MYO16: variants seen among roughly 807,000 people sequenced by gnomAD.
MYO16 encodes myosin XVI.
MYO16 carries 94 observed loss-of-function variants against 205.3 expected under a neutral mutation model. The observed-to-expected ratio is 0.46, with a 90% CI of 0.39 to 0.54. The LOEUF is 0.54. MYO16 is among the 20% of genes least tolerant of loss of function. The pLI is 0.00. For missense variants in MYO16, 2,315 were observed against 2,387.5 expected (o/e 0.97, Z 0.63); for synonymous variants, 988 against 954.0 (o/e 1.04, Z -0.66).
At chr13:108,807,201 G>A (rs1048406003) in intron 7 of MYO16, among the ~76,000 whole-genome samples, 1 of 152,116 alleles carries the variant, frequency 6.6e-6, no homozygotes, top group African/African-American at 2.4e-5. Context: ...ACTATATGGA[G>A]ATTTAAGTTA....
rs995592978 is a variant in MYO16, at chr13:109,122,949, G to A, written c.3536-2163G>A. On this transcript the variant is annotated intron_variant, in intron 29 of 34. Coordinates refer to ENST00000457511, the MANE Select transcript of MYO16 (RefSeq NM_001198950.3). ...GAATTCTATATTTTTCTTTAAAAAT[G>A]TCCAGGGGAAAGAAAGCTGTAACTT... Among the ~76,000 whole-genome samples, 9 of 152,178 alleles carry A rather than the reference G, an allele frequency of 5.9e-5. No homozygotes were observed. The East Asian group carries it at 1.2e-3, about 20-fold the overall frequency.
rs1878449598 is a variant in MYO16 at position 109,162,831 on chromosome 13, C to CA, written c.5165-2069dup. ...TTTAAAACAGAACCTGTTTTACTGGCATTCGGAAGCTTAACAGAAATAAAA... is the reference window on the plus strand; with the variant it reads ...TTTAAAACAGAACCTGTTTTACTGGCAATTCGGAAGCTTAACAGAAATAAAA... On this transcript the variant is annotated intron_variant, in intron 32 of 34. Coordinates refer to ENST00000457511, the MANE Select transcript of MYO16 (RefSeq NM_001198950.3). The surrounding 1 kb of genome is among the most constrained non-coding windows in gnomAD (Gnocchi z 4.6). Among the ~76,000 whole-genome samples the CA allele has an allele frequency of 6.6e-6, 1 of 151,880 alleles. No homozygotes were observed. Among genetic ancestry groups the CA allele is most frequent in the African/African-American group, 2.4e-5 (1 of 41,342 alleles).
chr13:108,753,611 T>C (rs1438402546), intron 4 of MYO16, among the ~76,000 whole-genome samples: 1 of 152,156 alleles, frequency 6.6e-6, no homozygotes. Context: ...ACCTAGGTAT[T>C]AATTAAAATG....
At chr13:108,687,737 A>AT (rs1216631695) in intron 2 of MYO16, among the ~76,000 whole-genome samples, 5 of 152,330 alleles carry the variant, frequency 3.3e-5, no homozygotes, top group South Asian at 2.1e-4. Flanking sequence ...ATAAAGTGTG[A>AT]TTTTTTGGGA....
At chr13:109,100,697 A>G (rs1888934309) in intron 27 of MYO16, 88 bp from the exon 28 acceptor site, 1 of 1,036,676 alleles carries the variant, frequency 9.6e-7, no homozygotes, top group African/African-American at 1.6e-5. Context: ...AACTTTTGGG[A>G]AACGATGTAA....
At chr13:108,694,240 G>A (rs889500725) in intron 2 of MYO16, among the ~76,000 whole-genome samples, 13 of 152,124 alleles carry the variant, frequency 8.5e-5, no homozygotes, top group African/African-American at 2.9e-4. Flanking sequence ...CATACTGAGT[G>A]GTGTGAGATG....
the MYO16 span, among the ~76,000 whole-genome samples, chr13:108,578,195 A>G: frequency 6.6e-6 from 1 of 152,206 alleles, no homozygotes; most frequent in African/African-American, 2.4e-5. Flanking sequence ...GTCAGTTGCC[A>G]GGATTTGTGC....
At chr13:108,625,318 G>C (rs1048661738), upstream of MYO16, among the ~76,000 whole-genome samples, 1 of 152,154 alleles carries the variant, frequency 6.6e-6, no homozygotes, top group Admixed American at 6.5e-5. Flanking sequence ...CTGAGATCAG[G>C]GACTTTATGA....
the MYO16 span, among the ~76,000 whole-genome samples, chr13:108,581,892 AG>A: frequency 6.9e-6 from 1 of 145,274 alleles, no homozygotes; most frequent in African/African-American, 2.8e-5. Context: ...AAAAAAAAAA[AG>A]AAAAAAAAAA....
rs182921188 is a variant in MYO16 at position 108,909,913 on chromosome 13, G to A, written c.1778-90G>A. ...GGAAAGGGAGAACTCAACAGTCCTT[G>A]TATCTCTTGTAATTAATTAATATGT... On this transcript the variant is annotated intron_variant, in intron 15 of 34. Coordinates refer to ENST00000457511, the MANE Select transcript of MYO16 (RefSeq NM_001198950.3). 4.8e-4 allele frequency: 638 copies of A among 1,335,628 alleles called. 3 individuals carry two copies. The East Asian group carries it at 8.4e-3, about 17-fold the overall frequency. 82.7% of individuals were successfully genotyped at this position (1,335,628 alleles called of 1,614,324 possible).
At chr13:108,792,086 C>T (rs957841316) in intron 5 of MYO16, among the ~76,000 whole-genome samples, 5 of 152,006 alleles carry the variant, frequency 3.3e-5, no homozygotes, top group African/African-American at 1.2e-4. Flanking sequence ...GTTCAGGAAC[C>T]AATGCTAGGA....
At chr13:108,723,981 T>A (rs1246816176) in intron 3 of MYO16, among the ~76,000 whole-genome samples, 1 of 152,178 alleles carries the variant, frequency 6.6e-6, no homozygotes, top group East Asian at 1.9e-4. Context: ...TTATTTAGGT[T>A]TAAAAAATTA....
chr13:109,148,196 T>C (rs1048712967), intron 32 of MYO16, among the ~76,000 whole-genome samples: 1 of 152,146 alleles, frequency 6.6e-6, no homozygotes, highest in African/African-American at 2.4e-5. Context: ...AGTAACCAAA[T>C]TTATCTATGT....
intron 28 of MYO16, among the ~76,000 whole-genome samples, 176 bp downstream of exon 28, chr13:109,101,063 T>G (rs909403212): frequency 1.3e-5 from 2 of 152,186 alleles, no homozygotes; most frequent in African/African-American, 4.8e-5. Flanking sequence ...ACTTACCGAT[T>G]TTAACATCTT....
At chr13:108,903,956 T>G (rs1486338938) in intron 15 of MYO16, among the ~76,000 whole-genome samples, 1 of 152,194 alleles carries the variant, frequency 6.6e-6, no homozygotes, top group African/African-American at 2.4e-5. Flanking sequence ...CTTTAAATTA[T>G]CAGCATTTAG....
intron 2 of MYO16, among the ~76,000 whole-genome samples, chr13:108,709,995 G>GGAA (rs944614896): frequency 2.3e-5 from 2 of 87,156 alleles, no homozygotes; most frequent in Non-Finnish European, 2.6e-5. Context: ...GCTGGATGGA[G>GGAA]GAAGAAGCCT....
intron 4 of MYO16, among the ~76,000 whole-genome samples, chr13:108,762,884 G>A (rs1885655948): frequency 6.6e-6 from 1 of 152,042 alleles, no homozygotes. Context: ...ATTCTGAGGG[G>A]TTTACCTTTT....
intron 6 of MYO16, among the ~76,000 whole-genome samples, chr13:108,801,160 T>G (rs1299422266): frequency 6.6e-6 from 1 of 152,106 alleles, no homozygotes; most frequent in African/African-American, 2.4e-5. Flanking sequence ...AAAAACCACC[T>G]CTTACTAGAA....
intron 3 of MYO16, among the ~76,000 whole-genome samples, chr13:108,713,814 T>TA (rs1347142477): frequency 6.6e-6 from 1 of 152,202 alleles, no homozygotes. Flanking sequence ...TGGAAATAGA[T>TA]ACAAAGAGAG....
Sources: allele counts gnomAD v4.1 joint callset (sites outside exome capture counted in the v4.1 genomes callset), GRCh38; gene constraint gnomAD v4.1.1; non-coding constraint Gnocchi (gnomAD v3.1); transcripts MANE v1.5; gene names NCBI Gene and HGNC (gene_info 2026-07-23, HGNC 2026-07-21).